The following ACAD10 variants were observed in gnomAD, a reference collection of about 807,000 sequenced individuals.
The protein encoded by ACAD10 is ACAD-10.
Under a neutral mutation model 116.8 loss-of-function variants are expected in ACAD10, and 112 were observed. The ratio of observed to expected loss-of-function variants is 0.96; its 90% confidence interval spans 0.82 to 1.12. The LOEUF (loss-of-function observed/expected upper bound fraction) is 1.12. Ranked by LOEUF, ACAD10 falls within the 50% of genes most tolerant of loss-of-function variation. ACAD10 has a pLI of 0.00. For missense variants in ACAD10, 1,259 were observed against 1,350.2 expected, an observed-to-expected ratio of 0.93 and a Z score of 1.06; for synonymous variants, 486 against 510.6, an observed-to-expected ratio of 0.95 and a Z score of 0.65.
intron 6 of ACAD10, 35 bp downstream of exon 6, chr12:111,712,692 T>C: frequency 6.2e-7 from 1 of 1,605,348 alleles, no homozygotes; most frequent in South Asian, 1.1e-5. Flanking sequence ...GGTAGCTCTC[T>C]CCAAGGCGAA....
intron 2 of ACAD10, 92 bp from the exon 3 acceptor site, chr12:111,702,070 G>A: frequency 7.4e-7 from 1 of 1,354,950 alleles, no homozygotes; most frequent in Non-Finnish European, 1.0e-6. Flanking sequence ...AGTACAGCGA[G>A]TCCGTAGGAA....
rs779887389 is a variant in ACAD10, at chr12:111,757,029, C to T, written c.*556C>T. On this transcript the variant is annotated 3_prime_UTR_variant, in exon 21 of 21. Coordinates refer to ENST00000313698, the MANE Select transcript of ACAD10 (RefSeq NM_025247.6). ...CTCCATTTGAACACACAGCACAGAA[C>T]AATCATTTAAATGTTATTTTGGAAA... 1.1e-4 allele frequency: 39 copies of T among 370,436 alleles called. No homozygotes were observed. Among genetic ancestry groups the T allele is most frequent in the Non-Finnish European group, 1.4e-4 (26 of 186,046 alleles). 22.9% of individuals were successfully genotyped at this position (370,436 alleles called of 1,614,324 possible). A position where few individuals can be genotyped will look rare whatever the true frequency, so the allele number is the denominator to read the frequency against.
At position 111,747,169 on chromosome 12, in the gene ACAD10, G is replaced by A; in HGVS notation, c.2377G>A (p.Ala793Thr). 3.7e-6 allele frequency: 6 copies of A among 1,611,192 alleles called. No homozygotes were observed. In the South Asian group the frequency reaches 4.4e-5, roughly 12 times the overall value. ...LLEGKARSCF[A>T]MTEPQVASSD... is the part of the protein sequence containing the mutation. Reference sequence around the variant, plus strand: ...GGAGGGGAAAGCCCGCTCCTGTTTTGCTATGACCGAGCCCCAGGTACGTCG... The same window carrying A: ...GGAGGGGAAAGCCCGCTCCTGTTTTACTATGACCGAGCCCCAGGTACGTCG... The change falls in exon 15 of 21, where the codon GCT (alanine) becomes ACT (threonine). Residue 793 changes from alanine (A) to threonine (T), a missense_variant. Coordinates refer to ENST00000313698, the MANE Select transcript of ACAD10 (RefSeq NM_025247.6).
In ACAD10 at chr12:111,756,425, G is replaced by A. The variant is rs1454303784; in HGVS notation, c.3132G>A (p.Glu1044=). ...RALRFADGPD[E]VHRATVAKLE... Reference sequence around the variant, plus strand: ...TGCGCTTTGCCGACGGCCCTGACGAGGTGCACCGGGCCACGGTGGCCAAGC... The same window carrying A: ...TGCGCTTTGCCGACGGCCCTGACGAAGTGCACCGGGCCACGGTGGCCAAGC... Residue 1044 remains glutamate, a synonymous_variant, in exon 21 of 21, where the codon GAG becomes GAA. Transcript: ENST00000313698. 6.2e-6 allele frequency: 10 copies of A among 1,612,734 alleles called. No homozygotes were observed. The highest frequency in any genetic ancestry group is 8.5e-6 in the Non-Finnish European group (10 of 1,179,862).
intron 16 of ACAD10, 123 bp from the exon 17 acceptor site, chr12:111,748,194 A>C (rs1480158141): frequency 8.1e-7 from 1 of 1,236,980 alleles, no homozygotes; most frequent in Non-Finnish European, 1.1e-6. Context: ...ATCTGATTAC[A>C]TGGAGCCTTA....
chr12:111,704,661 G>C (rs963352020), intron 3 of ACAD10, among the ~76,000 whole-genome samples: 1 of 150,618 alleles, frequency 6.6e-6, no homozygotes, highest in African/African-American at 2.4e-5. Context: ...GATAATATAA[G>C]AGTTTTCTTT....
At chr12:111,691,552 G>A (rs1434602506) in intron 1 of ACAD10, among the ~76,000 whole-genome samples, 1 of 151,528 alleles carries the variant, frequency 6.6e-6, no homozygotes, top group East Asian at 1.9e-4. Context: ...ATCATCCCAG[G>A]TTGAGATGAA....
At chr12:111,698,337 C>A (rs1888249202) in intron 2 of ACAD10, among the ~76,000 whole-genome samples, 1 of 147,754 alleles carries the variant, frequency 6.8e-6, no homozygotes, top group South Asian at 2.2e-4. Context: ...TGCTGTATGG[C>A]CCAGGCTGTC....
At chr12:111,753,189 GA>G (rs1286027029) in intron 18 of ACAD10, 13 of 202,934 alleles carry the variant, frequency 6.4e-5, no homozygotes, top group South Asian at 2.4e-4. Context: ...AATAAAACAA[GA>G]AAAAAAAAGG....
intron 19 of ACAD10, among the ~76,000 whole-genome samples, chr12:111,754,550 A>G (rs569979750): frequency 6.6e-6 from 1 of 152,250 alleles, no homozygotes; most frequent in East Asian, 1.9e-4. Flanking sequence ...TGCCATGTTG[A>G]CCTTGCTTTG....
chr12:111,748,898 C>A, intron 17 of ACAD10: 1 of 1,094,088 alleles, frequency 9.1e-7, no homozygotes, highest in Non-Finnish European at 1.3e-6. Flanking sequence ...ACTACATTGT[C>A]ACAAACCACT....
intron 4 of ACAD10, among the ~76,000 whole-genome samples, chr12:111,708,123 A>G (rs75902724): frequency 0.012 from 1,816 of 152,332 alleles, 40 homozygotes; most frequent in African/African-American, 0.042. Flanking sequence ...TACATTTGGA[A>G]AAACACTGAC....
chr12:111,728,224 G>A lies in ACAD10; in HGVS notation c.1243+81G>A, dbSNP rs570825647. On this transcript the variant is annotated intron_variant, in intron 9 of 20. Transcript: ENST00000313698. ...TTTAGGATCTGAATCGTTTTGGGTC[G>A]TTTTGAGTATTAGCACACCAAGCGT... 1.1e-5 allele frequency: 16 copies of A among 1,427,712 alleles called. No individual in the cohort carries two copies. The African/African-American group carries it at 1.1e-4, about 10-fold the overall frequency. The allele number at this position is 1,427,712 out of a possible 1,614,324, so 88.4% of individuals were successfully genotyped here. A position where few individuals can be genotyped will look rare whatever the true frequency, so the allele number is the denominator to read the frequency against.
intron 1 of ACAD10, among the ~76,000 whole-genome samples, chr12:111,690,261 C>T (rs1887997944): frequency 6.6e-6 from 1 of 152,074 alleles, no homozygotes; most frequent in Non-Finnish European, 1.5e-5. Flanking sequence ...GGACCCAAGG[C>T]TAAACATGAA....
In ACAD10 at chr12:111,746,231, G is replaced by C; in HGVS notation, c.2203G>C (p.Val735Leu). The change falls in exon 14 of 21, where the codon GTG (valine) becomes CTG (leucine). Residue 735 changes from valine to leucine, a missense_variant. Transcript: ENST00000313698. ...AAAATACGGAGCAGGACTGACCAAT[G>C]TGGAATATGCACATCTGTGTGAGCT... Reference protein sequence around the residue: ...EKKYGAGLTNVEYAHLCELMG... With the variant: ...EKKYGAGLTNLEYAHLCELMG... 1.2e-6 allele frequency: 2 copies of C among 1,613,994 alleles called. No homozygotes were observed. The highest frequency in any genetic ancestry group is 2.2e-5 in the South Asian group (2 of 91,062).
Position 111,712,651 on chromosome 12 carries a change from AC to A in ACAD10, c.846del (p.Thr283GlnfsTer27). On this transcript the variant is annotated frameshift_variant, in exon 6 of 21. Coordinates refer to ENST00000313698, the MANE Select transcript of ACAD10 (RefSeq NM_025247.6). LOFTEE classifies it high-confidence loss of function. ...CCTCAAAGACTTACTGGGTATCCAG[AC>A]CACAGGTATGTGGGCTTCTTTCATG... ...KYLKDLLGIQ[T>X]TGPLELLQFD... 1 of 1,613,970 alleles carries A rather than the reference AC, an allele frequency of 6.2e-7. No homozygotes were observed. The highest frequency in any genetic ancestry group is 1.1e-5 in the South Asian group (1 of 91,048).
rs1204332499 is a variant in ACAD10, at chr12:111,748,368, C to T, written c.2537C>T (p.Pro846Leu). Residue 846 changes from proline (P) to leucine (L), a missense_variant, in exon 17 of 21, where the codon CCA becomes CTA. By Grantham distance (98) the Pro-to-Leu change is moderately conservative. Transcript: ENST00000313698. ...TGTGTGTTTATGGGAAAAACAGACC[C>T]ACATGCACCAAGACACCGGCAGCAG... ...QLCVFMGKTD[P>L]HAPRHRQQSV... The T allele has an allele frequency of 6.2e-7, 1 of 1,614,118 alleles. No individual in the cohort carries two copies.
chr12:111,746,520 T>G (rs1684976625), intron 14 of ACAD10, among the ~76,000 whole-genome samples: 1 of 152,150 alleles, frequency 6.6e-6, no homozygotes, highest in Admixed American at 6.5e-5. Flanking sequence ...CCCAAGTAGC[T>G]GGGACTACAG....
intron 1 of ACAD10, among the ~76,000 whole-genome samples, chr12:111,688,589 G>A (rs1322473967): frequency 6.6e-6 from 1 of 151,034 alleles, no homozygotes; most frequent in African/African-American, 2.4e-5. Context: ...ATCACTTGAG[G>A]TCAGGAGTTC....
Sources: gnomAD v4.1 joint callset for allele counts (sites outside exome capture counted in the v4.1 genomes callset) on GRCh38, gnomAD v4.1.1 for gene constraint, MANE v1.5 for transcripts, NCBI Gene and HGNC (gene_info 2026-07-23, HGNC 2026-07-21) for gene names.